SPTBN5: variants seen among roughly 807,000 people sequenced by gnomAD.
SPTBN5 encodes spectrin beta, non-erythrocytic 5.
SPTBN5 carries 513 observed loss-of-function variants against 477.6 expected under a neutral mutation model. The ratio of observed to expected loss-of-function variants is 1.07; its 90% CI spans 1.00 to 1.16. The LOEUF (loss-of-function observed/expected upper bound fraction) is 1.16. Among genes scored for constraint, SPTBN5 ranks in the 50% most tolerant of loss-of-function variants. SPTBN5 has a pLI of 0.00. For synonymous variants in SPTBN5, 2,169 were observed against 2,011.7 expected (o/e 1.08, Z -2.09); for missense variants, 5,062 against 4,731.8 (o/e 1.07, Z -2.05).
In SPTBN5 at chr15:41,885,890, CG is replaced by C; in HGVS notation, c.1364del (p.Pro455ArgfsTer82). 6.3e-7 allele frequency: 1 copy of C among 1,582,422 alleles called. No individual in the cohort carries two copies. The highest frequency in any genetic ancestry group is 8.6e-7 in the Non-Finnish European group (1 of 1,164,606). ...CCTCCACTGTGGCCAGGCTGGCTGG[CG>C]GGGCTCTGGCCTGGTCTAGCACCTG... ...AEQVLDQARA[P>X]PASLATVEAA... On this transcript the variant is annotated frameshift_variant, in exon 7 of 68. Transcript: ENST00000320955. LOFTEE classifies it high-confidence loss of function.
At chr15:41,893,775 C>T in intron 1 of SPTBN5, 124 bp downstream of exon 1, 1 of 561,570 alleles carries the variant, frequency 1.8e-6, no homozygotes, top group Non-Finnish European at 3.2e-6. Context: ...TGCCAGGTCC[C>T]TCCACCACAG....
rs1414581491 is a variant in SPTBN5 at position 41,854,142 on chromosome 15, T to A, written c.9682A>T (p.Met3228Leu). The change falls in exon 57 of 68, where the codon ATG becomes TTG. Residue 3228 changes from methionine to leucine, a missense_variant. Transcript: ENST00000320955. ...TTCATCAGGGCCGTCTTCTCCTGCA[T>A]CCTTCCCTGGAGCTCAGCTGCTGCC... ...QQAAAELQGR[M>L]QEKTALMKGE... The A allele has an allele frequency of 6.3e-7, 1 of 1,595,800 alleles. No individual in the cohort carries two copies. Among genetic ancestry groups the A allele is most frequent in the Admixed American group, 1.7e-5 (1 of 58,064 alleles).
chr15:41,857,414 C>A lies in SPTBN5; in HGVS notation c.8445G>T (p.Val2815=). Residue 2815 remains valine, a synonymous_variant, in exon 51 of 68, where the codon GTG becomes GTT. Transcript: ENST00000320955. Reference sequence around the variant, plus strand: ...CGCCCACCCCAGGCAGGGCCTGGCCCACAGTGGGGGCTCTCAGCTCAACCT... The same window carrying A: ...CGCCCACCCCAGGCAGGGCCTGGCCAACAGTGGGGGCTCTCAGCTCAACCT... ...PIEVELRAPT[V]GQALPGVGEL... is the part of the protein sequence containing the mutation. The A allele has an allele frequency of 6.3e-7, 1 of 1,599,410 alleles. No homozygotes were observed.
chr15:41,879,979 G>A, intron 14 of SPTBN5, 115 bp from the exon 15 acceptor site: 2 of 1,462,174 alleles, frequency 1.4e-6, no homozygotes, highest in East Asian at 2.4e-5. Flanking sequence ...CATGCTGCCT[G>A]CCCCTGGAAA....
chr15:41,865,192 A>G (rs76440781), intron 39 of SPTBN5, among the ~76,000 whole-genome samples: 2,212 of 152,274 alleles, frequency 0.015, 47 homozygotes, highest in African/African-American at 0.051. Context: ...CCTGTATACC[A>G]CATAAGAGAA....
intron 21 of SPTBN5, 24 bp downstream of exon 21, chr15:41,876,090 C>T: frequency 6.3e-7 from 1 of 1,583,780 alleles, no homozygotes. Context: ...GGAGGCTCTG[C>T]ACCCTCTGTC....
rs1595499576 is a variant in SPTBN5 at position 41,880,022 on chromosome 15, C to T, written c.2811+138G>A. On this transcript the variant is annotated intron_variant, in intron 14 of 67. Transcript: ENST00000320955. ...ATCCGAGTCCTTAAGGGCCAGGAGG[C>T]CCTCGAAATTCAGGCCAGCTCTCTG... 4 of 1,410,058 alleles carry T rather than the reference C, an allele frequency of 2.8e-6. No individual in the cohort carries two copies. In the East Asian group the frequency reaches 9.9e-5, roughly 35 times the overall value. The allele number at this position is 1,410,058 out of a possible 1,614,324, so 87.3% of individuals were successfully genotyped here. A position where few individuals can be genotyped will look rare whatever the true frequency, so the allele number is the denominator to read the frequency against.
At position 41,879,125 on chromosome 15, in the gene SPTBN5, C is replaced by A. The variant is rs1214628141; in HGVS notation, c.3182+135G>T. 9.7e-6 allele frequency: 10 copies of A among 1,028,988 alleles called. No individual in the cohort carries two copies. The South Asian group carries it at 1.2e-4, about 12-fold the overall frequency. The allele number at this position is 1,028,988 out of a possible 1,614,324, so 63.7% of individuals were successfully genotyped here. A position where few individuals can be genotyped will look rare whatever the true frequency, so the allele number is the denominator to read the frequency against. On this transcript the variant is annotated intron_variant, in intron 16 of 67. Coordinates refer to ENST00000320955, the MANE Select transcript of SPTBN5 (RefSeq NM_016642.4). ...CCCAGGACCATTTTCTCCTGATCAT[C>A]CCCCCATCTTTGCCACAGCCCTCCT... is the stretch of plus-strand genomic sequence containing the variant.
chr15:41,882,464 C>A lies in SPTBN5; in HGVS notation c.2052G>T (p.Leu684=). 6.4e-7 allele frequency: 1 copy of A among 1,554,526 alleles called. No individual in the cohort carries two copies. Residue 684 remains leucine (L), a synonymous_variant, in exon 11 of 68, where the codon CTG becomes CTT. Transcript: ENST00000320955. ...CCTGGTGGCGGTGGACCTCAGCTTC[C>A]AGGGCCTAGCGGGGGGCAGAGCAGG... is the stretch of plus-strand genomic sequence containing the variant. ...IAGALQKHKA[L]EAEVHRHQAV...
rs1417960926 is a variant in SPTBN5 at position 41,866,101 on chromosome 15, G to T, written c.6759C>A (p.Asp2253Glu). The T allele has an allele frequency of 1.9e-6, 3 of 1,557,772 alleles. No homozygotes were observed. In the East Asian group the frequency reaches 7.2e-5, roughly 38 times the overall value. Residue 2253 changes from aspartate to glutamate, a missense_variant, in exon 38 of 68, where the codon GAC becomes GAA. Coordinates refer to ENST00000320955, the MANE Select transcript of SPTBN5 (RefSeq NM_016642.4). ...GCAGGAACTCCAGGAAGTTCCGCCT[G>T]TCCTCCAGCTCCTGGCCCCTGAGGG... ...AMALRGQELE[D>E]RRNFLEFLQR...
chr15:41,850,620 A>C, intron 66 of SPTBN5: 1 of 554,222 alleles, frequency 1.8e-6, no homozygotes, highest in Middle Eastern at 4.8e-4. Context: ...GGACCAGGAC[A>C]CAGCTGGGGG....
intron 46 of SPTBN5, 127 bp downstream of exon 46, chr15:41,861,292 C>T (rs1595457335): frequency 2.5e-6 from 2 of 794,030 alleles, no homozygotes; most frequent in South Asian, 1.6e-5. Flanking sequence ...GGATGTGGCC[C>T]AGGGTGGGGA....
chr15:41,854,842 C>G lies in SPTBN5; in HGVS notation c.9558G>C (p.Gln3186His). 6.2e-7 allele frequency: 1 copy of G among 1,605,020 alleles called. No individual in the cohort carries two copies. The highest frequency in any genetic ancestry group is 8.5e-7 in the Non-Finnish European group (1 of 1,175,648). Residue 3186 changes from glutamine (Q) to histidine (H), a missense_variant, in exon 56 of 68, where the codon CAG becomes CAC. Transcript: ENST00000320955. ...APRRYPHIQA[Q>H]RSRIEAAWER... ...CCCAAGCAGCCTCAATGCGGCTCCT[C>G]TGGGCTTGGATGTGGGGATAGCGCC...
chr15:41,892,733 C>T lies in SPTBN5; in HGVS notation c.384+161G>A, dbSNP rs189073415. The stretch of plus-strand genomic sequence containing the variant: ...AGTCAGGGGTGCTGTGCGAGGAGGG[C>T]GTGGCTTCTGCTCCTCTGTGTCCCA... On this transcript the variant is annotated intron_variant, in intron 3 of 67. Transcript: ENST00000320955. 7.9e-5 allele frequency: 60 copies of T among 756,678 alleles called. No homozygotes were observed. In the Admixed American group the frequency reaches 1.6e-3, roughly 20 times the overall value. The allele number at this position is 756,678 out of a possible 1,614,324, so 46.9% of individuals were successfully genotyped here.
chr15:41,879,265 G>C lies in SPTBN5; in HGVS notation c.3177C>G (p.Val1059=). 6.2e-7 allele frequency: 1 copy of C among 1,610,756 alleles called. No individual in the cohort carries two copies. The highest frequency in any genetic ancestry group is 8.5e-7 in the Non-Finnish European group (1 of 1,179,124). ...CACCACTGCGCTGGCCGTACTTTAC[G>C]ACCACACTTTGGAGGAAGTGGACCC... ...ERRVHFLQSV[V]VKVEEPGYAE... is the part of the protein sequence containing the mutation. The change falls in exon 16 of 68, where the codon GTC becomes GTG. Residue 1059 remains valine, a synonymous_variant. Coordinates refer to ENST00000320955, the MANE Select transcript of SPTBN5 (RefSeq NM_016642.4).
chr15:41,855,523 T>C (rs761420018), intron 54 of SPTBN5, 26 bp downstream of exon 54: 2 of 1,604,144 alleles, frequency 1.2e-6, no homozygotes, highest in South Asian at 2.2e-5. Flanking sequence ...CTCTGCTCCT[T>C]CGCGGATGGT....
intron 8 of SPTBN5, 23 bp downstream of exon 8, chr15:41,883,325 G>A (rs1477671568): frequency 6.2e-7 from 1 of 1,611,356 alleles, no homozygotes; most frequent in Non-Finnish European, 8.5e-7. Flanking sequence ...TGTTTCCCAA[G>A]GGCCTGCTGG....
At chr15:41,855,828 G>T in intron 53 of SPTBN5, 83 bp from the exon 54 acceptor site, 1 of 1,385,900 alleles carries the variant, frequency 7.2e-7, no homozygotes, top group Non-Finnish European at 9.6e-7. Context: ...CAGCCTGGCT[G>T]CACAGGGGAA....
At chr15:41,879,577 G>C (rs1018257270) in intron 15 of SPTBN5, 78 bp from the exon 16 acceptor site, 2 of 1,523,876 alleles carry the variant, frequency 1.3e-6, no homozygotes, top group Non-Finnish European at 1.8e-6. Flanking sequence ...AGAGCCTCAC[G>C]TGACAGAAGC....
Sources: allele counts gnomAD v4.1 joint callset (sites outside exome capture counted in the v4.1 genomes callset), GRCh38; gene constraint gnomAD v4.1.1; transcripts MANE v1.5; gene names NCBI Gene and HGNC (gene_info 2026-07-23, HGNC 2026-07-21).